SLC2A9: variants seen among roughly 807,000 people sequenced by gnomAD.
SLC2A9 encodes the protein solute carrier family 2, facilitated glucose transporter member 9.
SLC2A9 carries 39 observed loss-of-function variants against 50.6 expected under a neutral mutation model. The ratio of observed to expected loss-of-function variants is 0.77; its 90% CI spans 0.60 to 1.01. The LOEUF (loss-of-function observed/expected upper bound fraction) is 1.01, where lower values mean the gene tolerates loss of function less well. SLC2A9 is among the 50% of genes least tolerant of loss of function. SLC2A9 has a pLI of 0.00. For missense variants in SLC2A9, 686 were observed against 677.6 expected (o/e 1.01, Z -0.14); for synonymous variants, 324 against 276.9 (o/e 1.17, Z -1.69).
At chr4:9,874,001 C>A (rs1243031834) in intron 10 of SLC2A9, among the ~76,000 whole-genome samples, 1 of 152,148 alleles carries the variant, frequency 6.6e-6, no homozygotes, top group Non-Finnish European at 1.5e-5. Context: ...TGGTGGCTGC[C>A]CACTTCCACA....
chr4:9,886,543 CTTA>C (rs1328554032), intron 10 of SLC2A9, among the ~76,000 whole-genome samples: 1 of 151,724 alleles, frequency 6.6e-6, no homozygotes, highest in Non-Finnish European at 1.5e-5. Flanking sequence ...ACCTTGCCAT[CTTA>C]TTATAATATC....
chr4:9,920,489 G>A lies in SLC2A9; in HGVS notation c.898C>T (p.Arg300Cys), dbSNP rs74651202. ...AGCAGCTCCAGCACGGACACCAGGC[G>A]GATGCTCCTCTGCACGCGGCTCTCA... is the stretch of plus-strand genomic sequence containing the variant. Reference protein sequence around the residue: ...LAESRVQRSIRLVSVLELLRA... With the variant: ...LAESRVQRSICLVSVLELLRA... The change falls in exon 7 of 12, where the codon CGC (arginine) becomes TGC (cysteine). Residue 300 changes from arginine to cysteine, a missense_variant. By Grantham distance (180) the Arg-to-Cys change is radical (BLOSUM62 -3). Transcript: ENST00000264784. 1.7e-4 allele frequency: 272 copies of A among 1,614,158 alleles called. 1 individual carries two copies. The highest frequency in any genetic ancestry group is 3.7e-4 in the African/African-American group (28 of 75,060).
chr4:9,875,527 C>A (rs1734179345), intron 10 of SLC2A9, among the ~76,000 whole-genome samples: 1 of 152,240 alleles, frequency 6.6e-6, no homozygotes, highest in African/African-American at 2.4e-5. Flanking sequence ...AACCTGACAT[C>A]CATTCACCCA....
intron 1 of SLC2A9, among the ~76,000 whole-genome samples, chr4:10,039,362 A>AGG (rs1018448709): frequency 1.3e-5 from 2 of 152,216 alleles, no homozygotes; most frequent in Non-Finnish European, 2.9e-5. Context: ...AACAGCAGAT[A>AGG]GTGCAAGATG....
upstream of SLC2A9, chr4:10,025,889 A>G (rs1763734852): frequency 1.2e-6 from 2 of 1,613,760 alleles, no homozygotes; most frequent in East Asian, 4.5e-5. Flanking sequence ...GAGACAGAAA[A>G]AAAAAAGGAC....
At chr4:9,771,876 G>T (rs1716870728) in intron 1 of SLC2A9, among the ~76,000 whole-genome samples, 1 of 152,208 alleles carries the variant, frequency 6.6e-6, no homozygotes, top group South Asian at 2.1e-4. Flanking sequence ...CAAGTGCAAA[G>T]GCACAGGGCC....
At chr4:9,982,130 TTGGCC>T (rs1287146666) in intron 4 of SLC2A9, among the ~76,000 whole-genome samples, 1 of 152,260 alleles carries the variant, frequency 6.6e-6, no homozygotes, top group Non-Finnish European at 1.5e-5. Context: ...TCCGCCTGCC[TTGGCC>T]TCCCAAAGTG....
intron 2 of SLC2A9, among the ~76,000 whole-genome samples, chr4:10,008,996 G>T (rs1380085546): frequency 6.6e-6 from 1 of 151,818 alleles, no homozygotes; most frequent in African/African-American, 2.4e-5. Context: ...AAGAGCGGGG[G>T]GTGAGGGGAC....
intron 1 of SLC2A9, among the ~76,000 whole-genome samples, chr4:10,028,063 T>G (rs1763812772): frequency 6.6e-6 from 1 of 152,160 alleles, no homozygotes; most frequent in Non-Finnish European, 1.5e-5. Flanking sequence ...ATTCCCTTTC[T>G]GCCTGGGCCC....
intron 5 of SLC2A9, among the ~76,000 whole-genome samples, chr4:9,964,125 A>T (rs930549302): frequency 1.3e-5 from 2 of 152,186 alleles, no homozygotes; most frequent in African/African-American, 4.8e-5. Flanking sequence ...GAATTCTTAC[A>T]AAAGAGTTGC....
intron 3 of SLC2A9, among the ~76,000 whole-genome samples, chr4:9,801,981 T>C (rs1044483928): frequency 2.0e-5 from 3 of 152,198 alleles, no homozygotes; most frequent in Non-Finnish European, 2.9e-5. Context: ...AGCTGATTGA[T>C]TGGGCAGCTG....
At chr4:9,832,668 GAATT>G (rs1057153552) in intron 11 of SLC2A9, among the ~76,000 whole-genome samples, 2 of 152,152 alleles carry the variant, frequency 1.3e-5, no homozygotes, top group African/African-American at 2.4e-5. Context: ...ACAAAACAAA[GAATT>G]GATTCCAGTT....
At chr4:9,902,349 G>C (rs1166459304) in intron 8 of SLC2A9, among the ~76,000 whole-genome samples, 1 of 152,224 alleles carries the variant, frequency 6.6e-6, no homozygotes, top group Non-Finnish European at 1.5e-5. Context: ...GTGAGCACTT[G>C]CTGAGTGCTG....
At chr4:9,948,410 G>A (rs1389668287) in intron 5 of SLC2A9, among the ~76,000 whole-genome samples, 1 of 152,176 alleles carries the variant, frequency 6.6e-6, no homozygotes, top group Non-Finnish European at 1.5e-5. Flanking sequence ...GCTATTTGAC[G>A]GCCACTGTCC....
At chr4:9,794,487 C>G (rs988468923), downstream of SLC2A9, among the ~76,000 whole-genome samples, 1 of 152,172 alleles carries the variant, frequency 6.6e-6, no homozygotes, top group African/African-American at 2.4e-5. Context: ...GTAAGGAGGT[C>G]TGTTCATTCT....
chr4:10,018,471 G>T (rs1411844459), intron 2 of SLC2A9, among the ~76,000 whole-genome samples: 1 of 152,138 alleles, frequency 6.6e-6, no homozygotes, highest in Non-Finnish European at 1.5e-5. Flanking sequence ...GAACGTGGGA[G>T]GCGGCGGTTG....
chr4:9,940,185 A>G (rs1747863634), intron 6 of SLC2A9, among the ~76,000 whole-genome samples: 1 of 152,208 alleles, frequency 6.6e-6, no homozygotes, highest in South Asian at 2.1e-4. Context: ...AATAATGCAC[A>G]GCCCAGGTGC....
At chr4:9,805,672 C>A (rs796299848) in intron 3 of SLC2A9, among the ~76,000 whole-genome samples, 15 of 143,560 alleles carry the variant, frequency 1.0e-4, no homozygotes, top group Non-Finnish European at 2.2e-4. Flanking sequence ...CTTCAGCCTG[C>A]GCAGCAGGGT....
At chr4:9,895,219 A>G (rs1230537897) in intron 8 of SLC2A9, among the ~76,000 whole-genome samples, 1 of 152,192 alleles carries the variant, frequency 6.6e-6, no homozygotes, top group Non-Finnish European at 1.5e-5. Flanking sequence ...ACTTGAGCCA[A>G]TGAAAGGCTG....
Sources: allele counts gnomAD v4.1 joint callset (sites outside exome capture counted in the v4.1 genomes callset), GRCh38; gene constraint gnomAD v4.1.1; transcripts MANE v1.5; gene names NCBI Gene and HGNC (gene_info 2026-07-23, HGNC 2026-07-21).